IDO2: variants seen among roughly 807,000 people sequenced by gnomAD.
IDO2 encodes the protein indoleamine 2,3-dioxygenase 2.
IDO2 carries 46 observed loss-of-function variants against 45.1 expected under a neutral mutation model. The ratio of observed to expected loss-of-function variants is 1.02; its 90% CI spans 0.80 to 1.30. The LOEUF (loss-of-function observed/expected upper bound fraction) is 1.30, where lower values mean the gene tolerates loss of function less well. Ranked by LOEUF, IDO2 falls within the 50% of genes most tolerant of loss-of-function variation. The pLI is 0.00. For missense variants in IDO2, 544 were observed against 491.8 expected (o/e 1.11, Z -1.00); for synonymous variants, 218 against 184.9 (o/e 1.18, Z -1.45).
chr8:39,987,261 C>T (rs916898179), intron 6 of IDO2: 1 of 152,194 alleles, frequency 6.6e-6, no homozygotes, highest in Non-Finnish European at 1.5e-5. Context: ...ATGAGGCCTC[C>T]TAGCCATGCT....
At chr8:39,990,039 CCTT>C (rs1200889585) in intron 8 of IDO2, among the ~76,000 whole-genome samples, 11 of 152,180 alleles carry the variant, frequency 7.2e-5, no homozygotes, top group Non-Finnish European at 1.6e-4. Flanking sequence ...TTCTCCCTCT[CCTT>C]TATATTCTCC....
chr8:39,964,272 T>C (rs899827341), intron 3 of IDO2, among the ~76,000 whole-genome samples: 3 of 152,228 alleles, frequency 2.0e-5, no homozygotes, highest in Non-Finnish European at 4.4e-5. Context: ...ACAAACACTT[T>C]TGTACCAACC....
At chr8:39,966,844 A>T (rs1054802516) in intron 3 of IDO2, among the ~76,000 whole-genome samples, 1 of 152,208 alleles carries the variant, frequency 6.6e-6, no homozygotes, top group African/African-American at 2.4e-5. Flanking sequence ...ACCAAATAAT[A>T]TGGAAAAAAT....
intron 2 of IDO2, among the ~76,000 whole-genome samples, chr8:39,951,369 C>T (rs1380788603): frequency 6.7e-6 from 1 of 149,606 alleles, no homozygotes; most frequent in Non-Finnish European, 1.5e-5. Context: ...CGGACTGTTT[C>T]CTCTGACACT....
rs149523732 is a variant in IDO2 at position 39,938,446 on chromosome 8, A to G, written c.-18+3228A>G. On this transcript the variant is annotated intron_variant, in intron 1 of 10. Coordinates refer to ENST00000502986, the Ensembl canonical transcript of IDO2. ...TTTAATAATTATTTTAAAGTAATAT[A>G]CTAATAAACTCATTTTAAAAACTGC... Among the ~76,000 whole-genome samples the G allele has an allele frequency of 3.7e-4, 56 of 152,288 alleles. 2 individuals are homozygous for G. In the East Asian group the frequency reaches 0.011, roughly 29 times the overall value.
chr8:39,950,352 T>A (rs947735709), intron 2 of IDO2, among the ~76,000 whole-genome samples: 1 of 152,004 alleles, frequency 6.6e-6, no homozygotes, highest in East Asian at 1.9e-4. Flanking sequence ...ATCAACATGG[T>A]GAAACCCCGT....
intron 8 of IDO2, among the ~76,000 whole-genome samples, chr8:40,000,402 C>T (rs1048900839): frequency 4.6e-5 from 7 of 150,932 alleles, no homozygotes; most frequent in Non-Finnish European, 8.8e-5. Flanking sequence ...GAGTGAGACT[C>T]CATCTTCAAA....
chr8:40,002,044 C>CA, intron 8 of IDO2, among the ~76,000 whole-genome samples: 1 of 152,312 alleles, frequency 6.6e-6, no homozygotes, highest in East Asian at 1.9e-4. Context: ...TCTCAGCCTC[C>CA]CAAAGTGCTG....
chr8:40,002,422 C>T (rs572011474), intron 8 of IDO2, among the ~76,000 whole-genome samples: 14 of 152,168 alleles, frequency 9.2e-5, no homozygotes, highest in Non-Finnish European at 1.8e-4. Flanking sequence ...TGCTTTTCTC[C>T]TCCAGCATCG....
intron 7 of IDO2, 128 bp from the exon 8 acceptor site, chr8:39,989,593 A>G: frequency 1.5e-6 from 1 of 661,396 alleles, no homozygotes; most frequent in Non-Finnish European, 2.6e-6. Context: ...GATCTAGCTT[A>G]GGACGTTCCC....
At chr8:39,964,792 G>C (rs1328189722) in intron 3 of IDO2, among the ~76,000 whole-genome samples, 1 of 152,192 alleles carries the variant, frequency 6.6e-6, no homozygotes, top group African/African-American at 2.4e-5. Context: ...CAGAAAAATA[G>C]AGAAAAGTTC....
intron 4 of IDO2, among the ~76,000 whole-genome samples, chr8:39,981,276 G>A (rs996078326): frequency 1.3e-5 from 2 of 151,834 alleles, no homozygotes; most frequent in Non-Finnish European, 1.5e-5. Context: ...TAGCCAGGAT[G>A]GTCTCGATCT....
intron 8 of IDO2, 48 bp downstream of exon 8, chr8:39,989,886 T>C: frequency 7.6e-7 from 1 of 1,308,646 alleles, no homozygotes; most frequent in Non-Finnish European, 1.1e-6. Flanking sequence ...GGTCCTGGGC[T>C]CTGCTTAGGG....
At chr8:40,004,557 A>AGATAGATG (rs1802189459) in intron 8 of IDO2, among the ~76,000 whole-genome samples, 1 of 151,868 alleles carries the variant, frequency 6.6e-6, no homozygotes. Flanking sequence ...ATAGATAGAT[A>AGATAGATG]GATAGATAGA....
intron 8 of IDO2, among the ~76,000 whole-genome samples, chr8:39,995,468 G>A (rs1802028605): frequency 6.6e-6 from 1 of 151,412 alleles, no homozygotes; most frequent in Admixed American, 6.6e-5. Context: ...TTTTACTAGG[G>A]ATGGGGTTTC....
intron 9 of IDO2, among the ~76,000 whole-genome samples, chr8:40,008,707 C>T (rs752821648): frequency 2.0e-5 from 3 of 152,160 alleles, no homozygotes; most frequent in Non-Finnish European, 4.4e-5. Flanking sequence ...TGAGGATGAA[C>T]TATATATTCT....
chr8:39,989,785 A>G (rs1313413597), exon 8 of IDO2: 3 of 1,605,474 alleles, frequency 1.9e-6, no homozygotes, highest in East Asian at 2.2e-5. Flanking sequence ...CAAGCCCTGC[A>G]GCGACTGAGA....
intron 3 of IDO2, among the ~76,000 whole-genome samples, chr8:39,971,965 T>C (rs1003538211): frequency 2.0e-5 from 3 of 152,142 alleles, no homozygotes; most frequent in Non-Finnish European, 4.4e-5. Context: ...CCTGCCACCA[T>C]GCCCACCTAA....
At chr8:39,982,755 A>C in exon 5 of IDO2, 1 of 1,596,300 alleles carries the variant, frequency 6.3e-7, no homozygotes, top group African/African-American at 1.3e-5. Flanking sequence ...AACTGGACCA[A>C]AAAAGATCCA....
Sources: gnomAD v4.1 joint callset for allele counts (sites outside exome capture counted in the v4.1 genomes callset) on GRCh38, gnomAD v4.1.1 for gene constraint, MANE v1.5 for transcripts, NCBI Gene and HGNC (gene_info 2026-07-23, HGNC 2026-07-21) for gene names.